The following ERBB4 variants were observed in gnomAD, a reference collection of about 807,000 sequenced individuals.
ERBB4 encodes the protein erb-b2 receptor tyrosine kinase 4, also known as receptor tyrosine-protein kinase erbB-4.
ERBB4 carries 42 observed loss-of-function variants against 158.0 expected under a neutral mutation model. That is an observed-to-expected ratio of 0.27 (90% confidence interval 0.21 to 0.34). ERBB4 has a LOEUF of 0.34. ERBB4 is among the 10% of genes least tolerant of loss of function. The pLI, the probability that ERBB4 is intolerant of heterozygous loss-of-function variation, is 1.00. For missense variants in ERBB4, 1,333 were observed against 1,624.1 expected, an observed-to-expected ratio of 0.82 and a Z score of 3.08; for synonymous variants, 583 against 558.7, an observed-to-expected ratio of 1.04 and a Z score of -0.61.
intron 4 of ERBB4, among the ~76,000 whole-genome samples, chr2:211,783,208 A>C (rs1351516823): frequency 6.6e-6 from 1 of 152,210 alleles, no homozygotes; most frequent in Non-Finnish European, 1.5e-5. Flanking sequence ...TGATTTTTGC[A>C]CATTGATTTT....
intron 3 of ERBB4, among the ~76,000 whole-genome samples, chr2:211,913,659 A>G (rs13021520): frequency 0.01 from 1,145 of 112,898 alleles, 3 homozygotes; most frequent in Admixed American, 0.019. Flanking sequence ...GTGTGTGTGT[A>G]TGTGTGTATG....
chr2:212,286,625 CAG>C (rs1491063560), intron 1 of ERBB4, among the ~76,000 whole-genome samples: 1,011 of 42,966 alleles, frequency 0.024, 17 homozygotes, highest in African/African-American at 0.06. Context: ...TTTTTTGACA[CAG>C]AGTCTCGCTT....
At chr2:212,275,255 T>A (rs2085487749) in intron 1 of ERBB4, among the ~76,000 whole-genome samples, 1 of 151,918 alleles carries the variant, frequency 6.6e-6, no homozygotes, top group Admixed American at 6.6e-5. Context: ...CTCTTTATAG[T>A]AGCATGATTT....
chr2:212,192,023 T>C (rs796549074), intron 1 of ERBB4, among the ~76,000 whole-genome samples: 1 of 14,418 alleles, frequency 6.9e-5, no homozygotes, highest in Non-Finnish European at 2.0e-4. Flanking sequence ...TGTTATATGT[T>C]ATATATGTTA....
intron 19 of ERBB4, among the ~76,000 whole-genome samples, chr2:211,599,995 G>T (rs910208376): frequency 6.6e-6 from 1 of 152,110 alleles, no homozygotes; most frequent in Non-Finnish European, 1.5e-5. Context: ...AAGATCATTT[G>T]CTTAAGGAGC....
chr2:211,965,979 G>T (rs1175978987), intron 2 of ERBB4, among the ~76,000 whole-genome samples: 1 of 152,126 alleles, frequency 6.6e-6, no homozygotes, highest in African/African-American at 2.4e-5. Context: ...TGGGAGGCCA[G>T]GGCAGGAGGC....
At chr2:211,631,863 T>G (rs2070145982) in intron 16 of ERBB4, among the ~76,000 whole-genome samples, 1 of 152,110 alleles carries the variant, frequency 6.6e-6, no homozygotes, top group South Asian at 2.1e-4. Context: ...ATATTTATAT[T>G]TTTAAAAGAA....
intron 2 of ERBB4, among the ~76,000 whole-genome samples, chr2:211,989,537 A>G (rs1294816614): frequency 1.3e-5 from 2 of 151,932 alleles, no homozygotes; most frequent in Non-Finnish European, 2.9e-5. Flanking sequence ...TAAAATAGTA[A>G]AGGTAAAAAT....
intron 25 of ERBB4, among the ~76,000 whole-genome samples, chr2:211,393,459 C>T (rs1032185461): frequency 2.6e-5 from 4 of 152,180 alleles, no homozygotes; most frequent in African/African-American, 9.6e-5. Context: ...TTATACCACA[C>T]ATAGATTTTG....
intron 1 of ERBB4, among the ~76,000 whole-genome samples, chr2:212,432,651 TTGA>T (rs1245424842): frequency 2.0e-5 from 3 of 152,180 alleles, no homozygotes; most frequent in Non-Finnish European, 4.4e-5. Context: ...TGCAAATTAG[TTGA>T]TAAGGATCAA....
chr2:211,875,728 GAAC>G (rs1559601300), intron 3 of ERBB4, among the ~76,000 whole-genome samples: 1 of 152,080 alleles, frequency 6.6e-6, no homozygotes, highest in Non-Finnish European at 1.5e-5. Context: ...TTCTTATCCA[GAAC>G]AACCACCAGT....
chr2:211,638,841 T>C (rs1179526455), intron 16 of ERBB4, among the ~76,000 whole-genome samples: 1 of 152,172 alleles, frequency 6.6e-6, no homozygotes, highest in Non-Finnish European at 1.5e-5. Context: ...CAAACCTTCC[T>C]TCTCTTTACA....
intron 1 of ERBB4, among the ~76,000 whole-genome samples, chr2:212,366,107 C>A (rs1225954395): frequency 6.6e-6 from 1 of 151,624 alleles, no homozygotes; most frequent in Non-Finnish European, 1.5e-5. Context: ...TGCTAGCCTC[C>A]GAAAAAATAT....
At chr2:211,755,024 G>A (rs1224204059) in intron 4 of ERBB4, among the ~76,000 whole-genome samples, 2 of 152,182 alleles carry the variant, frequency 1.3e-5, no homozygotes, top group African/African-American at 4.8e-5. Flanking sequence ...TTGAAGCTAT[G>A]TGAGAAAATA....
At chr2:211,544,251 A>G (rs2066885742) in intron 20 of ERBB4, among the ~76,000 whole-genome samples, 2 of 152,024 alleles carry the variant, frequency 1.3e-5, no homozygotes, top group African/African-American at 4.8e-5. Context: ...GTGCTCTCCC[A>G]TATTCTCTGC....
chr2:211,815,050 G>C (rs1250636515), intron 3 of ERBB4, among the ~76,000 whole-genome samples: 3 of 152,182 alleles, frequency 2.0e-5, no homozygotes, highest in Non-Finnish European at 2.9e-5. Context: ...CTCTCAAAAG[G>C]CTTCTCGCAT....
At position 211,380,748 on chromosome 2, in the gene ERBB4, G is replaced by T. The variant is rs2125301083; in HGVS notation, c.*2867C>A. On this transcript the variant is annotated 3_prime_UTR_variant, in exon 28 of 28. Coordinates refer to ENST00000342788, the MANE Select transcript of ERBB4 (RefSeq NM_005235.3). ...ATTATAAAGCATTTGGGTCATTTTG[G>T]ATTATTCCTACATGCATCTCTAGGT... is the stretch of plus-strand genomic sequence containing the variant. 4.3e-6 allele frequency: 1 copy of T among 231,998 alleles called. No homozygotes were observed. The highest frequency in any genetic ancestry group is 8.5e-6 in the Non-Finnish European group (1 of 117,310). 14.4% of individuals were successfully genotyped at this position (231,998 alleles called of 1,614,324 possible).
At chr2:211,690,498 A>G (rs1309857433) in intron 12 of ERBB4, among the ~76,000 whole-genome samples, 1 of 152,190 alleles carries the variant, frequency 6.6e-6, no homozygotes, top group Admixed American at 6.5e-5. Context: ...ATTTCAGAGC[A>G]GTTTCGGGTC....
At chr2:211,697,241 A>G (rs2073061893) in intron 12 of ERBB4, among the ~76,000 whole-genome samples, 1 of 152,232 alleles carries the variant, frequency 6.6e-6, no homozygotes, top group Non-Finnish European at 1.5e-5. Flanking sequence ...AGCTAAAGTC[A>G]AAAAGGAGAG....
Sources: allele counts gnomAD v4.1 joint callset (sites outside exome capture counted in the v4.1 genomes callset), GRCh38; gene constraint gnomAD v4.1.1; transcripts MANE v1.5; gene names NCBI Gene and HGNC (gene_info 2026-07-23, HGNC 2026-07-21).